The following ZNF124 variants were observed in gnomAD, a reference collection of about 807,000 sequenced individuals.
ZNF124 encodes zinc finger protein 124.
Under a neutral mutation model 26.6 loss-of-function variants are expected in ZNF124, and 25 were observed. The observed-to-expected ratio is 0.94, with a 90% confidence interval of 0.68 to 1.31. The LOEUF is 1.31. Among genes scored for constraint, ZNF124 ranks in the 40% most tolerant of loss-of-function variants. The pLI is 0.00. For missense variants in ZNF124, 444 were observed against 422.2 expected (o/e 1.05, Z -0.45); for synonymous variants, 129 against 133.3 (o/e 0.97, Z 0.22).
intron 3 of ZNF124, among the ~76,000 whole-genome samples, chr1:247,136,541 A>G (rs1672487782): frequency 6.6e-6 from 1 of 152,266 alleles, no homozygotes; most frequent in Admixed American, 6.5e-5. Context: ...GATAGGAATA[A>G]TCAGTATCAC....
intron 3 of ZNF124, among the ~76,000 whole-genome samples, chr1:247,143,925 C>T (rs1448925942): frequency 6.6e-6 from 1 of 151,954 alleles, no homozygotes; most frequent in African/African-American, 2.4e-5. Context: ...GACAGCTAGG[C>T]AGTAAGCATG....
intron 1 of ZNF124, among the ~76,000 whole-genome samples, chr1:247,164,650 CTCAT>C (rs1418758338): frequency 6.6e-6 from 1 of 151,858 alleles, no homozygotes; most frequent in Non-Finnish European, 1.5e-5. Context: ...ACATTCCATG[CTCAT>C]TGATAGGAAG....
At chr1:247,143,057 T>A in intron 3 of ZNF124, among the ~76,000 whole-genome samples, 1 of 152,140 alleles carries the variant, frequency 6.6e-6, no homozygotes, top group South Asian at 2.1e-4. Flanking sequence ...AGAATCTGCA[T>A]GTGAGAGAGA....
downstream of ZNF124, among the ~76,000 whole-genome samples, chr1:247,153,989 C>G (rs545331268): frequency 6.6e-6 from 1 of 152,220 alleles, no homozygotes; most frequent in African/African-American, 2.4e-5. Context: ...ATAACAGCAG[C>G]AAGAGAAAAA....
chr1:247,126,285 A>G (rs2103097581), intron 3 of ZNF124, among the ~76,000 whole-genome samples: 1 of 120,546 alleles, frequency 8.3e-6, no homozygotes, highest in South Asian at 3.3e-4. Context: ...TGCCTCATTC[A>G]GACACGCGCG....
chr1:247,143,415 G>T (rs539240186), intron 3 of ZNF124, among the ~76,000 whole-genome samples: 1 of 152,254 alleles, frequency 6.6e-6, no homozygotes, highest in African/African-American at 2.4e-5. Context: ...CCGAGAATTT[G>T]ACCCCGGAAG....
At chr1:247,151,118 G>A (rs531511239), downstream of ZNF124, among the ~76,000 whole-genome samples, 4 of 152,146 alleles carry the variant, frequency 2.6e-5, no homozygotes, top group African/African-American at 4.8e-5. Context: ...GTTAGTAATC[G>A]GAGAAATGTA....
intron 3 of ZNF124, among the ~76,000 whole-genome samples, chr1:247,130,215 T>C (rs1672304935): frequency 6.6e-6 from 1 of 152,128 alleles, no homozygotes; most frequent in African/African-American, 2.4e-5. Context: ...ATCAGAAAAA[T>C]ATTAGATATC....
At position 247,157,143 on chromosome 1, in the gene ZNF124, C is replaced by T; in HGVS notation, c.479G>A (p.Gly160Asp). ...ATGTCTATTAAGAGAACGGGAAAAA[C>T]CTAAGGCTTTCCCACATTCCATACA... ...YECMECGKAL[G>D]FSRSLNRHKR... is the part of the protein sequence containing the mutation. The change falls in exon 4 of 4, where the codon GGT becomes GAT. Residue 160 changes from glycine to aspartate, a missense_variant. Gly to Asp is a moderately conservative substitution (Grantham distance 94). Transcript: ENST00000543802. The T allele has an allele frequency of 3.7e-6, 6 of 1,614,038 alleles. No homozygotes were observed. The highest frequency in any genetic ancestry group is 5.1e-6 in the Non-Finnish European group (6 of 1,179,968).
chr1:247,166,456 T>C lies in ZNF124; in HGVS notation c.30+5392A>G, dbSNP rs192332990. 2.8e-4 allele frequency among the ~76,000 whole-genome samples: 43 copies of C among 152,342 alleles called. No individual in the cohort carries two copies. In the East Asian group the frequency reaches 7.3e-3, roughly 26 times the overall value. ...ATTCACAAATGTGTATATACCACAT[T>C]TTCTTTGTCCAGTCTACTGTTGATG... On this transcript the variant is annotated intron_variant, in intron 1 of 3. Coordinates refer to ENST00000543802, the MANE Select transcript of ZNF124 (RefSeq NM_001297568.2).
At chr1:247,152,518 T>C (rs911953804), downstream of ZNF124, among the ~76,000 whole-genome samples, 1 of 152,130 alleles carries the variant, frequency 6.6e-6, no homozygotes, top group African/African-American at 2.4e-5. Flanking sequence ...TATTACCTGA[T>C]TGTATATAGT....
chr1:247,135,645 T>A (rs544316594), intron 3 of ZNF124, among the ~76,000 whole-genome samples: 1 of 152,024 alleles, frequency 6.6e-6, no homozygotes, highest in East Asian at 1.9e-4. Flanking sequence ...TTCCAAACAA[T>A]TGAAAAGGAA....
At chr1:247,136,528 A>G (rs982772462) in intron 3 of ZNF124, among the ~76,000 whole-genome samples, 1 of 152,258 alleles carries the variant, frequency 6.6e-6, no homozygotes, top group Admixed American at 6.5e-5. Context: ...TTCCATCTTC[A>G]TGGATAGGAA....
intron 3 of ZNF124, among the ~76,000 whole-genome samples, chr1:247,137,487 C>CAAAAAAAAAAAAAAAAAA (rs56926662): frequency 2.5e-5 from 2 of 81,630 alleles, no homozygotes; most frequent in African/African-American, 4.4e-5. Flanking sequence ...ACTAAAAATA[C>CAAAAAAAAAAAAAAAAAA]AAAAAAAAAA....
At chr1:247,163,324 A>G (rs868028113) in intron 1 of ZNF124, among the ~76,000 whole-genome samples, 4 of 121,584 alleles carry the variant, frequency 3.3e-5, no homozygotes, top group South Asian at 4.3e-4. Flanking sequence ...GAGAGAGAGA[A>G]AAAAAAGCAA....
At chr1:247,169,011 T>C (rs570447223) in intron 1 of ZNF124, among the ~76,000 whole-genome samples, 277 of 152,188 alleles carry the variant, frequency 1.8e-3, no homozygotes, top group African/African-American at 6.4e-3. Flanking sequence ...AAAATTTTTT[T>C]AATTAAAAAA....
intron 3 of ZNF124, among the ~76,000 whole-genome samples, chr1:247,124,055 C>G (rs938206223): frequency 4.0e-5 from 6 of 151,728 alleles, no homozygotes; most frequent in Admixed American, 1.3e-4. Context: ...GTCTTGATCT[C>G]CTGACCTCAT....
chr1:247,134,382 T>C (rs956067182), intron 3 of ZNF124, among the ~76,000 whole-genome samples: 1 of 152,074 alleles, frequency 6.6e-6, no homozygotes, highest in Non-Finnish European at 1.5e-5. Flanking sequence ...AAGACACACA[T>C]AGGTTCAATA....
downstream of ZNF124, among the ~76,000 whole-genome samples, chr1:247,150,389 A>G (rs16846299): frequency 0.042 from 6,466 of 152,290 alleles, 449 homozygotes; most frequent in African/African-American, 0.15. Flanking sequence ...TAACAGAATT[A>G]TACAGTCTTC....
Sources: allele counts gnomAD v4.1 joint callset (sites outside exome capture counted in the v4.1 genomes callset), GRCh38; gene constraint gnomAD v4.1.1; transcripts MANE v1.5; gene names NCBI Gene and HGNC (gene_info 2026-07-23, HGNC 2026-07-21).